The following RBPJ variants were observed in gnomAD, a reference collection of about 807,000 sequenced individuals.
The protein encoded by RBPJ is recombination signal binding protein for immunoglobulin kappa J region.
Under a neutral mutation model 67.8 loss-of-function variants are expected in RBPJ, and 9 were observed. The observed-to-expected ratio is 0.13, with a 90% CI of 0.08 to 0.23. The LOEUF (loss-of-function observed/expected upper bound fraction) is 0.23. Among genes scored for constraint, RBPJ ranks in the 10% least tolerant of loss-of-function variants. The probability of loss-of-function intolerance (pLI) is 1.00; values close to 1 mark genes in which losing one functional copy is unlikely to be tolerated. For missense variants in RBPJ, 305 were observed against 595.6 expected, an observed-to-expected ratio of 0.51 and a Z score of 5.08; for synonymous variants, 198 against 203.3, an observed-to-expected ratio of 0.97 and a Z score of 0.22.
At chr4:26,347,459 T>G (rs1265191080) in intron 1 of RBPJ, among the ~76,000 whole-genome samples, 1 of 152,156 alleles carries the variant, frequency 6.6e-6, no homozygotes, top group African/African-American at 2.4e-5. Flanking sequence ...ATTACAACAA[T>G]GAAGACAGAG....
intron 1 of RBPJ, among the ~76,000 whole-genome samples, chr4:26,169,587 C>A (rs566110156): frequency 6.6e-6 from 1 of 151,712 alleles, no homozygotes; most frequent in Non-Finnish European, 1.5e-5. Flanking sequence ...CTGGGAGAAC[C>A]ACTGCTCTAC....
rs1473910690 is a variant in RBPJ at position 26,321,159 on chromosome 4, G to A, written c.20+111G>A. ...CGGCGCGCTTGGCGTTCGGGGGCCC[G>A]CGGGGGCGGCGTCGCGTGCGCCGAG... On this transcript the variant is annotated intron_variant, in intron 1 of 10. Transcript: ENST00000355476. The A allele has an allele frequency of 1.4e-5, 8 of 560,620 alleles. No homozygotes were observed. The East Asian group carries it at 2.2e-4, about 16-fold the overall frequency. 34.7% of individuals were successfully genotyped at this position (560,620 alleles called of 1,614,324 possible). A position where few individuals can be genotyped will look rare whatever the true frequency, so the allele number is the denominator to read the frequency against.
At chr4:26,191,540 G>A (rs1429332705) in intron 1 of RBPJ, among the ~76,000 whole-genome samples, 1 of 152,096 alleles carries the variant, frequency 6.6e-6, no homozygotes, top group Non-Finnish European at 1.5e-5. Context: ...TACAGTGAAA[G>A]GATAAGAAGC....
At chr4:26,406,838 A>G (rs931842360) in intron 3 of RBPJ, among the ~76,000 whole-genome samples, 1 of 152,284 alleles carries the variant, frequency 6.6e-6, no homozygotes, top group African/African-American at 2.4e-5. Flanking sequence ...GGGCCTGCCC[A>G]GACATGCCTG....
chr4:26,239,276 CTG>C (rs1719554796), intron 1 of RBPJ, among the ~76,000 whole-genome samples: 1 of 152,216 alleles, frequency 6.6e-6, no homozygotes, highest in Non-Finnish European at 1.5e-5. Context: ...ACTCAAAAGT[CTG>C]TATCCGCTGC....
chr4:26,209,581 G>T (rs200735567), intron 1 of RBPJ, among the ~76,000 whole-genome samples: 1 of 48,060 alleles, frequency 2.1e-5, no homozygotes, highest in Non-Finnish European at 4.0e-5. Flanking sequence ...CTCCTTCCCT[G>T]TCTCCCTCCC....
At chr4:26,124,777 G>A in the RBPJ span, among the ~76,000 whole-genome samples, 2 of 152,060 alleles carry the variant, frequency 1.3e-5, no homozygotes, top group Admixed American at 1.3e-4. Context: ...TAATAGGTCT[G>A]TTTACATCAG....
chr4:26,196,643 G>A (rs1010615332), intron 1 of RBPJ, among the ~76,000 whole-genome samples: 5 of 152,150 alleles, frequency 3.3e-5, no homozygotes, highest in African/African-American at 7.2e-5. Flanking sequence ...TTCTGACTTC[G>A]AATTCCACAC....
intron 2 of RBPJ, among the ~76,000 whole-genome samples, chr4:26,404,554 C>A (rs1490897220): frequency 1.3e-5 from 2 of 152,156 alleles, no homozygotes; most frequent in East Asian, 1.9e-4. Context: ...TGTGTGAATT[C>A]CTGACTGCCA....
intron 1 of RBPJ, among the ~76,000 whole-genome samples, chr4:26,198,193 G>A (rs1717848172): frequency 6.6e-6 from 1 of 152,146 alleles, no homozygotes; most frequent in Non-Finnish European, 1.5e-5. Context: ...GGCGGAGGTT[G>A]CGGTGAGCTG....
intron 1 of RBPJ, among the ~76,000 whole-genome samples, chr4:26,349,072 T>TTG (rs752007042): frequency 0.038 from 5,233 of 136,830 alleles, 205 homozygotes; most frequent in African/African-American, 0.1. Flanking sequence ...CATCACAAGT[T>TTG]TGTGTGTGTG....
chr4:26,117,907 A>G, the RBPJ span, among the ~76,000 whole-genome samples: 1 of 152,106 alleles, frequency 6.6e-6, no homozygotes, highest in Non-Finnish European at 1.5e-5. Flanking sequence ...AAGTACAAAC[A>G]ACTATACACC....
chr4:26,203,272 T>C (rs1718053058), intron 1 of RBPJ, among the ~76,000 whole-genome samples: 3 of 152,220 alleles, frequency 2.0e-5, no homozygotes, highest in Admixed American at 2.0e-4. Flanking sequence ...TGCACAAGGA[T>C]CTGCACAATA....
chr4:26,364,432 A>G (rs1728388008), intron 1 of RBPJ, among the ~76,000 whole-genome samples: 1 of 152,172 alleles, frequency 6.6e-6, no homozygotes, highest in Admixed American at 6.5e-5. Context: ...TGGTTTCAGG[A>G]TAGTGTTCAA....
intron 1 of RBPJ, among the ~76,000 whole-genome samples, chr4:26,354,402 TGTA>T (rs1324082628): frequency 2.0e-5 from 3 of 151,700 alleles, no homozygotes; most frequent in Non-Finnish European, 4.4e-5. Flanking sequence ...ACATAAAAAA[TGTA>T]GTAAATTAGC....
chr4:26,128,895 C>G, the RBPJ span, among the ~76,000 whole-genome samples: 34 of 152,180 alleles, frequency 2.2e-4, no homozygotes, highest in Non-Finnish European at 3.4e-4. Context: ...CTCATTTTCT[C>G]TCTTGTCTGC....
At chr4:26,143,785 G>A in the RBPJ span, among the ~76,000 whole-genome samples, 2 of 152,056 alleles carry the variant, frequency 1.3e-5, no homozygotes, top group Non-Finnish European at 2.9e-5. Context: ...AAAATTAGCC[G>A]GGCATGGTGA....
chr4:26,320,016 G>C, upstream of RBPJ: 1 of 758,908 alleles, frequency 1.3e-6, no homozygotes, highest in African/African-American at 1.8e-5. Context: ...AGCGTCCTCG[G>C]CTGTGCCAGG....
intron 1 of RBPJ, among the ~76,000 whole-genome samples, chr4:26,214,716 A>AGG (rs1560213894): frequency 1.3e-5 from 1 of 74,434 alleles, no homozygotes; most frequent in African/African-American, 5.4e-5. Flanking sequence ...AAGGAAGGAG[A>AGG]GAGAGAGAAA....
Sources: gnomAD v4.1 joint callset for allele counts (sites outside exome capture counted in the v4.1 genomes callset) on GRCh38, gnomAD v4.1.1 for gene constraint, MANE v1.5 for transcripts, NCBI Gene and HGNC (gene_info 2026-07-23, HGNC 2026-07-21) for gene names.